Variants in PITPNM3 observed in about 807,000 individuals in gnomAD.
PITPNM3 encodes the protein membrane-associated phosphatidylinositol transfer protein 3.
Under a neutral mutation model 102.0 loss-of-function variants are expected in PITPNM3, and 26 were observed. The observed-to-expected ratio is 0.25, with a 90% CI of 0.19 to 0.35. PITPNM3 has a LOEUF of 0.35. PITPNM3 is among the 10% of genes least tolerant of loss of function. The pLI is 1.00. For missense variants in PITPNM3, 1,083 were observed against 1,346.1 expected, an observed-to-expected ratio of 0.80 and a Z score of 3.06; for synonymous variants, 578 against 558.6, an observed-to-expected ratio of 1.03 and a Z score of -0.49.
In PITPNM3 at chr17:6,483,838, TACAC is replaced by T. The variant is rs1454366374; in HGVS notation, c.352-90_352-87del. 3 of 1,137,380 alleles carry T rather than the reference TACAC, an allele frequency of 2.6e-6. No homozygotes were observed. In the East Asian group the frequency reaches 7.2e-5, roughly 27 times the overall value. 70.5% of individuals were successfully genotyped at this position (1,137,380 alleles called of 1,614,324 possible). On this transcript the variant is annotated intron_variant, in intron 5 of 19. Coordinates refer to ENST00000262483, the MANE Select transcript of PITPNM3 (RefSeq NM_031220.4). ...AGGGACACACACACACATGTGCGCATACACACACACTCACACACACGCACACACG... is the reference window on the plus strand; with the variant it reads ...AGGGACACACACACACATGTGCGCATACACACTCACACACACGCACACACG...
At chr17:6,494,284 C>G (rs113625952) in intron 4 of PITPNM3, among the ~76,000 whole-genome samples, 1,729 of 152,310 alleles carry the variant, frequency 0.011, 36 homozygotes, top group African/African-American at 0.039. Context: ...TCTCTTTGCT[C>G]TTACTAATCC....
At chr17:6,491,954 C>T (rs1906517955) in intron 4 of PITPNM3, among the ~76,000 whole-genome samples, 1 of 150,646 alleles carries the variant, frequency 6.6e-6, no homozygotes, top group Admixed American at 6.6e-5. Context: ...TTTCTACTTT[C>T]ATCTATTTTC....
In PITPNM3 at chr17:6,483,620, C is replaced by T; in HGVS notation, c.484G>A (p.Glu162Lys). 1 of 1,614,108 alleles carries T rather than the reference C, an allele frequency of 6.2e-7. No homozygotes were observed. Among genetic ancestry groups the T allele is most frequent in the Non-Finnish European group, 8.5e-7 (1 of 1,180,042 alleles). The change falls in exon 6 of 20, where the codon GAG (glutamate) becomes AAG (lysine). Residue 162 changes from glutamate to lysine, a missense_variant. By Grantham distance (56) the Glu-to-Lys change is moderately conservative. Coordinates refer to ENST00000262483, the MANE Select transcript of PITPNM3 (RefSeq NM_031220.4). ...ADIHTFSSVLEKVTRAHFPAA... is the reference protein window; with the variant it reads ...ADIHTFSSVLKKVTRAHFPAA... ...GGGAAATGGGCTCGTGTGACCTTCT[C>T]CAGCACGGAGCTGAAGGTGTGGATG...
intron 16 of PITPNM3, 40 bp from the exon 17 acceptor site, chr17:6,463,921 T>A (rs2150718049): frequency 1.2e-6 from 2 of 1,611,226 alleles, no homozygotes; most frequent in Non-Finnish European, 1.7e-6. Flanking sequence ...GAGGTCAGGG[T>A]CAGACGTTAG....
At chr17:6,471,038 T>C (rs1905041052) in intron 12 of PITPNM3, 123 bp downstream of exon 12, 2 of 1,171,616 alleles carry the variant, frequency 1.7e-6, no homozygotes, top group East Asian at 2.6e-5. Flanking sequence ...CCCCCAGGAC[T>C]TCCTTCACCT....
intron 6 of PITPNM3, among the ~76,000 whole-genome samples, chr17:6,482,634 G>A (rs1337281922): frequency 6.6e-6 from 1 of 152,112 alleles, no homozygotes; most frequent in Non-Finnish European, 1.5e-5. Context: ...CAGAAGTTTG[G>A]GGCAGTCTTG....
At chr17:6,548,796 T>A (rs1003489991) in intron 1 of PITPNM3, among the ~76,000 whole-genome samples, 8 of 152,010 alleles carry the variant, frequency 5.3e-5, no homozygotes, top group African/African-American at 1.9e-4. Flanking sequence ...GCAAACACGG[T>A]GTCAGCAGCA....
In PITPNM3 at chr17:6,451,404, A is replaced by G. The variant is rs1002909827; in HGVS notation, c.*3934T>C. 1 of 152,236 alleles carries G rather than the reference A, an allele frequency of 6.6e-6. No individual in the cohort carries two copies. Among genetic ancestry groups the G allele is most frequent in the African/African-American group, 2.4e-5 (1 of 41,464 alleles). 9.4% of individuals were successfully genotyped at this position (152,236 alleles called of 1,614,324 possible). On this transcript the variant is annotated 3_prime_UTR_variant, in exon 20 of 20. Coordinates refer to ENST00000262483, the MANE Select transcript of PITPNM3 (RefSeq NM_031220.4). ...TGTTAGAAATCTGATATCTTACATT[A>G]GCGTTTCTAACGGATTTTGTACAAG...
At chr17:6,551,892 C>T (rs1426597705) in intron 1 of PITPNM3, among the ~76,000 whole-genome samples, 2 of 152,054 alleles carry the variant, frequency 1.3e-5, no homozygotes, top group Non-Finnish European at 2.9e-5. Context: ...ACGCCCCACT[C>T]CAGGAGGACC....
chr17:6,478,821 C>A lies in PITPNM3; in HGVS notation c.588-85G>T. ...GCTGAGGATCAGGCAGAAGAGAGCA[C>A]ATACTGGCCAGGAATTGGGCTCCAG... On this transcript the variant is annotated intron_variant, in intron 6 of 19. Coordinates refer to ENST00000262483, the MANE Select transcript of PITPNM3 (RefSeq NM_031220.4). This position sits in a 1 kb window ranked among gnomAD's most constrained non-coding sequence, Gnocchi z 4.4. 7.3e-7 allele frequency: 1 copy of A among 1,368,232 alleles called. No homozygotes were observed. The highest frequency in any genetic ancestry group is 9.8e-7 in the Non-Finnish European group (1 of 1,016,464). 84.8% of individuals were successfully genotyped at this position (1,368,232 alleles called of 1,614,324 possible). A position where few individuals can be genotyped will look rare whatever the true frequency, so the allele number is the denominator to read the frequency against.
chr17:6,493,098 AG>A (rs1361460273), intron 4 of PITPNM3, among the ~76,000 whole-genome samples: 1 of 152,188 alleles, frequency 6.6e-6, no homozygotes, highest in Admixed American at 6.5e-5. Context: ...TCAATGACAA[AG>A]ACCTAGGTCA....
rs978908072 is a variant in PITPNM3, at chr17:6,521,623, A to AT, written c.226+3732_226+3733insA. Among the ~76,000 whole-genome samples the AT allele has an allele frequency of 2.8e-3, 424 of 151,140 alleles. 2 individuals are homozygous for AT. The highest frequency in any genetic ancestry group is 8.4e-3 in the African/African-American group (348 of 41,352). ...GAAGGATCCCTTTCCATTAAAAAAAAATATATATATATACTGGGCAATATG... is the reference window on the plus strand; with the variant it reads ...GAAGGATCCCTTTCCATTAAAAAAAATATATATATATATACTGGGCAATATG... On this transcript the variant is annotated intron_variant, in intron 3 of 19. Transcript: ENST00000262483.
At chr17:6,555,532 G>A (rs1241575354) in intron 1 of PITPNM3, among the ~76,000 whole-genome samples, 7 of 152,152 alleles carry the variant, frequency 4.6e-5, no homozygotes, top group Non-Finnish European at 4.4e-5. Context: ...CCGGCCCTGT[G>A]GGCACAGCTG....
intron 3 of PITPNM3, among the ~76,000 whole-genome samples, chr17:6,509,615 C>T (rs1306932528): frequency 6.6e-6 from 1 of 151,852 alleles, no homozygotes; most frequent in African/African-American, 2.4e-5. Flanking sequence ...CCTGCATGCT[C>T]CCTCCCTGCT....
intron 1 of PITPNM3, among the ~76,000 whole-genome samples, chr17:6,548,602 T>C (rs1025488401): frequency 6.6e-6 from 1 of 151,942 alleles, no homozygotes; most frequent in African/African-American, 2.4e-5. Context: ...AAAAGGTCAA[T>C]GGTGCATGAG....
intron 17 of PITPNM3, 145 bp downstream of exon 17, chr17:6,463,587 T>C (rs1350018363): frequency 1.7e-5 from 20 of 1,182,046 alleles, no homozygotes; most frequent in Admixed American, 1.6e-4. Context: ...AAATTACTGT[T>C]GGAGGTAAAG....
Position 6,472,566 on chromosome 17 carries a change from G to A in PITPNM3, c.1429+91C>T. Reference sequence around the variant, plus strand: ...GTTCTCACAGCCCCTGCTCAGGTGAGTCACCCTACTCACTGAGAGCTTGGA... The same window carrying A: ...GTTCTCACAGCCCCTGCTCAGGTGAATCACCCTACTCACTGAGAGCTTGGA... On this transcript the variant is annotated intron_variant, in intron 11 of 19. Coordinates refer to ENST00000262483, the MANE Select transcript of PITPNM3 (RefSeq NM_031220.4). The surrounding 1 kb of genome is among the most constrained non-coding windows in gnomAD (Gnocchi z 4.1). 6.8e-7 allele frequency: 1 copy of A among 1,481,282 alleles called. No homozygotes were observed. Among genetic ancestry groups the A allele is most frequent in the South Asian group, 1.2e-5 (1 of 82,510 alleles). 91.8% of individuals were successfully genotyped at this position (1,481,282 alleles called of 1,614,324 possible).
chr17:6,532,746 C>A (rs1200989549), intron 2 of PITPNM3, among the ~76,000 whole-genome samples: 3 of 152,092 alleles, frequency 2.0e-5, no homozygotes, highest in African/African-American at 7.2e-5. Context: ...GGGCTATAAT[C>A]CATCAAGCTG....
rs1913928827 is a variant in PITPNM3 at position 6,453,042 on chromosome 17, C to A, written c.*2296G>T. The A allele has an allele frequency of 6.6e-6, 1 of 150,460 alleles. No individual in the cohort carries two copies. Among genetic ancestry groups the A allele is most frequent in the African/African-American group, 2.4e-5 (1 of 41,098 alleles). 9.3% of individuals were successfully genotyped at this position (150,460 alleles called of 1,614,324 possible). ...TCTCTCTGCCTTCCTGTCTTTCTTT[C>A]TCCCTCTCTCTCTCTGCCTTCCTCT... On this transcript the variant is annotated 3_prime_UTR_variant, in exon 20 of 20. Transcript: ENST00000262483.
Sources: gnomAD v4.1 joint callset for allele counts (sites outside exome capture counted in the v4.1 genomes callset) on GRCh38, gnomAD v4.1.1 for gene constraint, Gnocchi (gnomAD v3.1) non-coding constraint, MANE v1.5 for transcripts, NCBI Gene and HGNC (gene_info 2026-07-23, HGNC 2026-07-21) for gene names.